The following SLC22A16 variants were observed in gnomAD, a reference collection of about 807,000 sequenced individuals.
SLC22A16 encodes the protein solute carrier family 22 member 16, also known as WUGSC:RG331P03.1.
In SLC22A16, 53 loss-of-function variants were observed where a neutral mutation model predicts 52.9. The ratio of observed to expected loss-of-function variants is 1.00; its 90% confidence interval spans 0.80 to 1.26. SLC22A16 has a LOEUF of 1.26. Ranked by LOEUF, SLC22A16 falls within the 50% of genes most tolerant of loss-of-function variation. The pLI, the probability that SLC22A16 is intolerant of heterozygous loss-of-function variation, is 0.00. For missense variants in SLC22A16, 726 were observed against 704.0 expected (o/e 1.03, Z -0.35); for synonymous variants, 291 against 268.8 (o/e 1.08, Z -0.81).
At chr6:110,436,625 C>G (rs1375852011) in intron 5 of SLC22A16, among the ~76,000 whole-genome samples, 2 of 152,086 alleles carry the variant, frequency 1.3e-5, no homozygotes, top group Admixed American at 1.3e-4. Flanking sequence ...GATCTTGTCT[C>G]TATTTAATCT....
intron 6 of SLC22A16, among the ~76,000 whole-genome samples, chr6:110,435,478 T>C (rs1425529656): frequency 6.6e-6 from 1 of 152,154 alleles, no homozygotes; most frequent in Non-Finnish European, 1.5e-5. Flanking sequence ...TTCTATTGTT[T>C]AAGCCACCCA....
intron 2 of SLC22A16, chr6:110,453,808 GT>G: frequency 2.4e-6 from 1 of 423,916 alleles, no homozygotes; most frequent in Non-Finnish European, 4.7e-6. Context: ...TTAGCTCATA[GT>G]TCTGCAGGCT....
chr6:110,461,730 T>C (rs1461890001), intron 1 of SLC22A16, among the ~76,000 whole-genome samples: 1 of 152,040 alleles, frequency 6.6e-6, no homozygotes, highest in Non-Finnish European at 1.5e-5. Flanking sequence ...AAGGAACCCA[T>C]AGAGACCCTT....
At chr6:110,433,411 T>G (rs953280670) in intron 6 of SLC22A16, among the ~76,000 whole-genome samples, 3 of 152,194 alleles carry the variant, frequency 2.0e-5, no homozygotes, top group Non-Finnish European at 4.4e-5. Flanking sequence ...AGCAGGCAGG[T>G]GTGTGGGCAT....
chr6:110,466,746 C>T (rs556291637), intron 1 of SLC22A16, among the ~76,000 whole-genome samples: 1 of 152,240 alleles, frequency 6.6e-6, no homozygotes, highest in South Asian at 2.1e-4. Context: ...AATAGGACTA[C>T]CATTTGATCC....
chr6:110,455,765 A>G (rs1775626132), intron 2 of SLC22A16: 1 of 152,190 alleles, frequency 6.6e-6, no homozygotes, highest in African/African-American at 2.4e-5. Context: ...GAGGTGATAA[A>G]GTCATGACAG....
Position 110,435,970 on chromosome 6 carries a change from A to T in SLC22A16, c.1312-9T>A. The T allele has an allele frequency of 6.4e-7, 1 of 1,563,032 alleles. No individual in the cohort carries two copies. Among genetic ancestry groups the T allele is most frequent in the Non-Finnish European group, 8.8e-7 (1 of 1,134,866 alleles). ...CCCAAAATATAATGTTTCTGAAAAA[A>T]ATTTAGCAGAATAGATCATCACAAG... On this transcript the variant is annotated splice_polypyrimidine_tract_variant and intron_variant, in intron 5 of 7. Transcript: ENST00000368919.
At chr6:110,472,394 C>A (rs1776290160) in intron 1 of SLC22A16, among the ~76,000 whole-genome samples, 1 of 152,098 alleles carries the variant, frequency 6.6e-6, no homozygotes, top group African/African-American at 2.4e-5. Flanking sequence ...TCCAATCCAC[C>A]CTCTGCACTG....
At chr6:110,449,691 T>C (rs1397310410) in intron 2 of SLC22A16, among the ~76,000 whole-genome samples, 1 of 152,164 alleles carries the variant, frequency 6.6e-6, no homozygotes. Flanking sequence ...CGCTCCCTCC[T>C]GCATATTCGT....
At chr6:110,475,065 C>A in intron 1 of SLC22A16, 1 of 491,866 alleles carries the variant, frequency 2.0e-6, no homozygotes, top group South Asian at 1.5e-5. Flanking sequence ...ATAAAATGCT[C>A]AAGACCGTAT....
intron 6 of SLC22A16, among the ~76,000 whole-genome samples, chr6:110,435,448 A>G (rs549593577): frequency 6.6e-6 from 1 of 152,144 alleles, no homozygotes; most frequent in African/African-American, 2.4e-5. Context: ...TCCAGCCTCC[A>G]GTACTGTGAG....
intron 7 of SLC22A16, among the ~76,000 whole-genome samples, chr6:110,430,791 C>A (rs1054882168): frequency 1.3e-5 from 2 of 152,210 alleles, no homozygotes; most frequent in African/African-American, 4.8e-5. Context: ...CCAGAATTCG[C>A]CTTGCCCAGC....
At chr6:110,438,239 T>C (rs1774812675) in intron 5 of SLC22A16, among the ~76,000 whole-genome samples, 1 of 152,278 alleles carries the variant, frequency 6.6e-6, no homozygotes, top group South Asian at 2.1e-4. Flanking sequence ...CTGGAAGGTG[T>C]GATCGACTTT....
chr6:110,471,770 A>T (rs1776268761), intron 1 of SLC22A16, among the ~76,000 whole-genome samples: 2 of 152,240 alleles, frequency 1.3e-5, no homozygotes, highest in Non-Finnish European at 2.9e-5. Flanking sequence ...TGTTCACTGT[A>T]TGACAACTCA....
chr6:110,451,355 C>G (rs1267469443), intron 2 of SLC22A16, among the ~76,000 whole-genome samples: 1 of 152,178 alleles, frequency 6.6e-6, no homozygotes, highest in Non-Finnish European at 1.5e-5. Flanking sequence ...ACATCACCAA[C>G]TCTATATGAT....
intron 1 of SLC22A16, among the ~76,000 whole-genome samples, chr6:110,459,586 G>A (rs953700400): frequency 8.5e-5 from 13 of 152,152 alleles, no homozygotes; most frequent in South Asian, 2.1e-4. Context: ...ACTGGATCCC[G>A]GAACAGGAAG....
At chr6:110,463,117 T>C (rs1455610606) in intron 1 of SLC22A16, among the ~76,000 whole-genome samples, 1 of 152,132 alleles carries the variant, frequency 6.6e-6, no homozygotes, top group East Asian at 1.9e-4. Flanking sequence ...TAAGAACTGC[T>C]TAAAGAAGTT....
chr6:110,465,128 G>A (rs946188749), intron 1 of SLC22A16, among the ~76,000 whole-genome samples: 1 of 150,464 alleles, frequency 6.6e-6, no homozygotes, highest in Non-Finnish European at 1.5e-5. Flanking sequence ...AACAAACTAG[G>A]CATCAAAGTA....
In SLC22A16 at chr6:110,437,414, G is replaced by A. The variant is rs537588240; in HGVS notation, c.1311+1306C>T. 1.6e-4 allele frequency among the ~76,000 whole-genome samples: 24 copies of A among 152,200 alleles called. No individual in the cohort carries two copies. The East Asian group carries it at 4.3e-3, about 27-fold the overall frequency. ...TACAAACTACTTTTTTAAAGGTGTG[G>A]ATGAAGTTCTCTCAAATTGGCAGAG... On this transcript the variant is annotated intron_variant, in intron 5 of 7. Transcript: ENST00000368919.
Sources: gnomAD v4.1 joint callset for allele counts (sites outside exome capture counted in the v4.1 genomes callset) on GRCh38, gnomAD v4.1.1 for gene constraint, MANE v1.5 for transcripts, NCBI Gene and HGNC (gene_info 2026-07-23, HGNC 2026-07-21) for gene names.